Variants in PPP1R16B observed in about 807,000 individuals in gnomAD.
PPP1R16B encodes protein phosphatase 1 regulatory inhibitor subunit 16B.
PPP1R16B carries 14 observed loss-of-function variants against 61.7 expected under a neutral mutation model. The ratio of observed to expected loss-of-function variants is 0.23; its 90% CI spans 0.15 to 0.35. PPP1R16B has a LOEUF of 0.35. Ranked by LOEUF, PPP1R16B falls within the 10% of genes least tolerant of loss-of-function variation. PPP1R16B has a pLI of 1.00. For synonymous variants in PPP1R16B, 266 were observed against 305.3 expected (o/e 0.87, Z 1.34); for missense variants, 547 against 752.5 (o/e 0.73, Z 3.19).
chr20:38,898,098 C>A (rs1467425351), intron 4 of PPP1R16B, among the ~76,000 whole-genome samples: 1 of 152,118 alleles, frequency 6.6e-6, no homozygotes, highest in Non-Finnish European at 1.5e-5. Context: ...ATGTTTTCTC[C>A]TAAGAGTTTT....
intron 1 of PPP1R16B, among the ~76,000 whole-genome samples, chr20:38,812,466 C>T (rs1426780893): frequency 6.6e-6 from 1 of 152,142 alleles, no homozygotes; most frequent in African/African-American, 2.4e-5. Context: ...GTGAAATCTG[C>T]CTGATAACTT....
intron 2 of PPP1R16B, among the ~76,000 whole-genome samples, chr20:38,861,125 C>T (rs528454098): frequency 6.6e-6 from 1 of 152,342 alleles, no homozygotes; most frequent in South Asian, 2.1e-4. Flanking sequence ...TCAGAAGCAG[C>T]TGGGCCTGGA....
intron 4 of PPP1R16B, among the ~76,000 whole-genome samples, chr20:38,900,014 G>A (rs1453095875): frequency 1.3e-5 from 2 of 152,092 alleles, no homozygotes; most frequent in East Asian, 3.9e-4. Context: ...GGCTGGTCTC[G>A]AACTCCTGAC....
In PPP1R16B at chr20:38,921,195, T is replaced by A. The variant is rs946694398; in HGVS notation, c.*2529T>A. Reference sequence around the variant, plus strand: ...ATTGGCTCATGTTTTCAGCCAGGGATAAACCATCCCTTCTTGGGGCTTTAA... The same window carrying A: ...ATTGGCTCATGTTTTCAGCCAGGGAAAAACCATCCCTTCTTGGGGCTTTAA... On this transcript the variant is annotated 3_prime_UTR_variant, in exon 11 of 11. Transcript: ENST00000299824. 2 of 152,242 alleles carry A rather than the reference T, an allele frequency of 1.3e-5. No homozygotes were observed. Among genetic ancestry groups the A allele is most frequent in the Non-Finnish European group, 2.9e-5 (2 of 68,052 alleles). The allele number at this position is 152,242 out of a possible 1,614,324, so 9.4% of individuals were successfully genotyped here. A position where few individuals can be genotyped will look rare whatever the true frequency, so the allele number is the denominator to read the frequency against.
intron 1 of PPP1R16B, among the ~76,000 whole-genome samples, chr20:38,833,291 A>C (rs1340311285): frequency 1.3e-5 from 2 of 152,260 alleles, no homozygotes; most frequent in Admixed American, 6.5e-5. Flanking sequence ...GTAATTGCCA[A>C]GGCAGGGACA....
intron 1 of PPP1R16B, among the ~76,000 whole-genome samples, chr20:38,822,692 T>C (rs1442908651): frequency 6.6e-6 from 1 of 152,178 alleles, no homozygotes; most frequent in Non-Finnish European, 1.5e-5. Context: ...TAAATATTTG[T>C]TTATTGGCTA....
intron 10 of PPP1R16B, among the ~76,000 whole-genome samples, chr20:38,908,606 T>C (rs2145780650): frequency 6.6e-6 from 1 of 152,308 alleles, no homozygotes; most frequent in East Asian, 1.9e-4. Flanking sequence ...TAACAAGATA[T>C]TGAGAATTGT....
chr20:38,842,939 C>G (rs2084917794), intron 2 of PPP1R16B, among the ~76,000 whole-genome samples: 1 of 152,016 alleles, frequency 6.6e-6, no homozygotes, highest in Non-Finnish European at 1.5e-5. Context: ...CAGCAACAAC[C>G]ATTGATAATA....
rs375556526 is a variant in PPP1R16B, at chr20:38,905,231, C to T, written c.697-738C>T. Among the ~76,000 whole-genome samples the T allele has an allele frequency of 1.4e-4, 21 of 152,212 alleles. No individual in the cohort carries two copies. In the South Asian group the frequency reaches 3.9e-3, roughly 29 times the overall value. ...ACTGGGTGGCTCTGGCTTGGTGGCT[C>T]TCATGATATTGCAACCAAGATGTTG... On this transcript the variant is annotated intron_variant, in intron 6 of 10. Transcript: ENST00000299824.
chr20:38,812,385 C>T (rs539409042), intron 1 of PPP1R16B, among the ~76,000 whole-genome samples: 3 of 152,232 alleles, frequency 2.0e-5, no homozygotes, highest in Non-Finnish European at 4.4e-5. Context: ...AGGAAACCCA[C>T]TGAATGGCTA....
Position 38,905,950 on chromosome 20 carries a change from C to T in PPP1R16B, c.697-19C>T. 1.9e-6 allele frequency: 3 copies of T among 1,610,132 alleles called. No individual in the cohort carries two copies. Among genetic ancestry groups the T allele is most frequent in the African/African-American group, 1.3e-5 (1 of 74,926 alleles). The stretch of plus-strand genomic sequence containing the variant: ...GGGCTGATCCCCTGAGGAATGCTCA[C>T]TTCTTTCCTCTCCTCCAGCTGCACA... On this transcript the variant is annotated intron_variant, in intron 6 of 10. Coordinates refer to ENST00000299824, the MANE Select transcript of PPP1R16B (RefSeq NM_015568.4).
chr20:38,839,873 G>A (rs2084898617), intron 2 of PPP1R16B, among the ~76,000 whole-genome samples: 1 of 152,216 alleles, frequency 6.6e-6, no homozygotes, highest in Admixed American at 6.5e-5. Context: ...CACAGTGAAT[G>A]TTTTATTTCC....
At chr20:38,844,869 C>T (rs920534345) in intron 2 of PPP1R16B, among the ~76,000 whole-genome samples, 1 of 152,118 alleles carries the variant, frequency 6.6e-6, no homozygotes, top group Non-Finnish European at 1.5e-5. Context: ...TGTTTTAATA[C>T]CCTGAAAGAG....
intron 1 of PPP1R16B, among the ~76,000 whole-genome samples, chr20:38,807,784 T>A (rs112275338): frequency 6.6e-6 from 1 of 152,186 alleles, no homozygotes; most frequent in African/African-American, 2.4e-5. Context: ...GGAACCTTCC[T>A]GGCTCCAGCT....
At chr20:38,851,464 TA>T (rs573299357) in intron 2 of PPP1R16B, among the ~76,000 whole-genome samples, 163 of 140,508 alleles carry the variant, frequency 1.2e-3, no homozygotes, top group East Asian at 0.01. Context: ...GACTCCATCT[TA>T]AAAAAAAAAA....
chr20:38,911,563 G>A (rs1374973412), intron 10 of PPP1R16B, among the ~76,000 whole-genome samples: 1 of 148,380 alleles, frequency 6.7e-6, no homozygotes, highest in Non-Finnish European at 1.5e-5. Flanking sequence ...TTGAGACAGA[G>A]TCTCGCTTTG....
intron 5 of PPP1R16B, among the ~76,000 whole-genome samples, chr20:38,901,085 G>T (rs2085390415): frequency 6.6e-6 from 1 of 152,192 alleles, no homozygotes; most frequent in Admixed American, 6.5e-5. Context: ...TGGCTGCCAG[G>T]GGCCCAGATA....
chr20:38,833,682 C>T (rs1330430791), intron 1 of PPP1R16B, among the ~76,000 whole-genome samples: 1 of 152,368 alleles, frequency 6.6e-6, no homozygotes, highest in South Asian at 2.1e-4. Context: ...TAGCTTGTCT[C>T]CCATTGAGCC....
At chr20:38,813,767 C>T (rs4642006) in intron 1 of PPP1R16B, among the ~76,000 whole-genome samples, 6,524 of 131,930 alleles carry the variant, frequency 0.049, 305 homozygotes, top group African/African-American at 0.12. Context: ...TCATCATCAT[C>T]ATTATTATTA....
Sources: allele counts gnomAD v4.1 joint callset (sites outside exome capture counted in the v4.1 genomes callset), GRCh38; gene constraint gnomAD v4.1.1; transcripts MANE v1.5; gene names NCBI Gene and HGNC (gene_info 2026-07-23, HGNC 2026-07-21).